The following CCDC92 variants were observed in gnomAD, a reference collection of about 807,000 sequenced individuals.
CCDC92 encodes coiled-coil domain-containing protein 92.
CCDC92 carries 12 observed loss-of-function variants against 24.9 expected under a neutral mutation model. The observed-to-expected ratio is 0.48, with a 90% CI of 0.31 to 0.78. The LOEUF is 0.78. CCDC92 is among the 30% of genes least tolerant of loss of function. The pLI is 0.05. For synonymous variants in CCDC92, 193 were observed against 196.3 expected (o/e 0.98, Z 0.14); for missense variants, 399 against 439.4 (o/e 0.91, Z 0.82).
In CCDC92 at chr12:123,937,258, G is replaced by A. The variant is rs1210815985; in HGVS notation, c.796C>T (p.Pro266Ser). 1 of 1,611,582 alleles carries A rather than the reference G, an allele frequency of 6.2e-7. No homozygotes were observed. The highest frequency in any genetic ancestry group is 8.5e-7 in the Non-Finnish European group (1 of 1,179,818). ...HLIKERPLVI[P>S]PIASDRSGEQ... ...CCGCTTCGGTCGGAGGCGATGGGGG[G>A]GATGACGAGGGGCCTCTCTTTGATG... The change falls in exon 5 of 5, where the codon CCC becomes TCC. Residue 266 changes from proline to serine, a missense_variant. Coordinates refer to ENST00000238156, the MANE Select transcript of CCDC92 (RefSeq NM_025140.3). The surrounding 1 kb of genome is among the most constrained non-coding windows in gnomAD (Gnocchi z 8.4).
intron 1 of CCDC92, 167 bp from the exon 2 acceptor site, chr12:123,944,531 G>A (rs1036895965): frequency 1.0e-5 from 5 of 481,066 alleles, no homozygotes; most frequent in African/African-American, 6.1e-5. Flanking sequence ...CAGTGGAACC[G>A]TTTTGGAGAC....
At chr12:123,948,140 G>A (rs1455649090) in intron 1 of CCDC92, among the ~76,000 whole-genome samples, 3 of 152,236 alleles carry the variant, frequency 2.0e-5, no homozygotes, top group South Asian at 2.1e-4. Context: ...CAAAGAAAAC[G>A]GGATATACTA....
intron 1 of CCDC92, among the ~76,000 whole-genome samples, chr12:123,959,945 A>C (rs1255540289): frequency 6.6e-6 from 1 of 152,240 alleles, no homozygotes; most frequent in Admixed American, 6.5e-5. Flanking sequence ...GCTCCCAGAT[A>C]AACTGTCATG....
At chr12:123,963,379 AG>A (rs2138161055) in intron 1 of CCDC92, among the ~76,000 whole-genome samples, 1 of 152,306 alleles carries the variant, frequency 6.6e-6, no homozygotes, top group African/African-American at 2.4e-5. Flanking sequence ...CTAACTCTGG[AG>A]AAAAAGGCAA....
In CCDC92 at chr12:123,950,167, G is replaced by A. The variant is rs1387114698; in HGVS notation, c.-59-5803C>T. On this transcript the variant is annotated intron_variant, in intron 1 of 4. Transcript: ENST00000238156. ...GATGTGGTGACAATCCTGACGTCTG[G>A]GGCAGATTTAATTTCATGCAGAAAT... 2.0e-5 allele frequency among the ~76,000 whole-genome samples: 3 copies of A among 152,218 alleles called. No homozygotes were observed. In the East Asian group the frequency reaches 5.8e-4, roughly 29 times the overall value.
chr12:123,948,957 G>A (rs557027065), intron 1 of CCDC92, among the ~76,000 whole-genome samples: 103 of 152,292 alleles, frequency 6.8e-4, no homozygotes, highest in Middle Eastern at 3.4e-3. Context: ...TGAAGCCACC[G>A]AGGCATCCTG....
At position 123,937,609 on chromosome 12, in the gene CCDC92, C is replaced by T. The variant is rs528091347; in HGVS notation, c.445G>A (p.Glu149Lys). The change falls in exon 5 of 5, where the codon GAG becomes AAG. Residue 149 changes from glutamate (E) to lysine (K), a missense_variant. Glu to Lys is a moderately conservative substitution (Grantham distance 56). Coordinates refer to ENST00000238156, the MANE Select transcript of CCDC92 (RefSeq NM_025140.3). The surrounding 1 kb of genome is among the most constrained non-coding windows in gnomAD (Gnocchi z 8.4). ...HKLTLLSSEL[E>K]QRASTIAYLT... is the part of the protein sequence containing the mutation. ...TAGGCGATGGTGCTGGCCCGCTGCT[C>T]CAGCTCGCTAGACAGCAGGGTCAGC... 1 of 1,613,718 alleles carries T rather than the reference C, an allele frequency of 6.2e-7. No individual in the cohort carries two copies. The highest frequency in any genetic ancestry group is 1.1e-5 in the South Asian group (1 of 91,080).
At chr12:123,960,263 C>T (rs1262849101) in intron 1 of CCDC92, among the ~76,000 whole-genome samples, 1 of 152,178 alleles carries the variant, frequency 6.6e-6, no homozygotes, top group Non-Finnish European at 1.5e-5. Context: ...GCACCCTCCC[C>T]AACCCCATCA....
At chr12:123,971,256 G>A (rs1201369111) in intron 1 of CCDC92, among the ~76,000 whole-genome samples, 3 of 151,998 alleles carry the variant, frequency 2.0e-5, no homozygotes, top group East Asian at 1.9e-4. Context: ...ATATAATCAC[G>A]AGTTTTAAAG....
chr12:123,943,926 C>T (rs1045716088), intron 2 of CCDC92: 32 of 469,228 alleles, frequency 6.8e-5, no homozygotes, highest in African/African-American at 5.3e-4. Context: ...CACCTCACCC[C>T]AACAGACTGT....
chr12:123,942,083 TC>T (rs1208561226), intron 4 of CCDC92, among the ~76,000 whole-genome samples: 1 of 152,218 alleles, frequency 6.6e-6, no homozygotes, highest in Non-Finnish European at 1.5e-5. Context: ...TTCAGCACTT[TC>T]CAAACACCCA....
intron 4 of CCDC92, among the ~76,000 whole-genome samples, chr12:123,940,039 G>A (rs941957024): frequency 1.3e-5 from 2 of 152,246 alleles, no homozygotes; most frequent in African/African-American, 4.8e-5. Context: ...CCTGCTGTGA[G>A]CATCCTGGGA....
chr12:123,938,049 C>T (rs974248909), intron 4 of CCDC92, among the ~76,000 whole-genome samples: 3 of 152,130 alleles, frequency 2.0e-5, no homozygotes, highest in South Asian at 2.1e-4. Flanking sequence ...AGTTCTCTGG[C>T]CTACTGCATA....
At chr12:123,965,464 G>A (rs1435331603) in intron 1 of CCDC92, among the ~76,000 whole-genome samples, 2 of 152,194 alleles carry the variant, frequency 1.3e-5, no homozygotes, top group Non-Finnish European at 2.9e-5. Context: ...CTTGACTATG[G>A]ACAATTGTGA....
chr12:123,959,613 C>T (rs142960115), intron 1 of CCDC92, among the ~76,000 whole-genome samples: 1 of 152,126 alleles, frequency 6.6e-6, no homozygotes, highest in African/African-American at 2.4e-5. Context: ...CCTTAGGTGC[C>T]AGGCTTATAG....
chr12:123,957,903 C>T (rs918680065), intron 1 of CCDC92, among the ~76,000 whole-genome samples: 2 of 151,736 alleles, frequency 1.3e-5, no homozygotes, highest in South Asian at 4.2e-4. Flanking sequence ...CACGGAGTTT[C>T]GCCATGGCTG....
chr12:123,959,382 G>A (rs1405350539), intron 1 of CCDC92, among the ~76,000 whole-genome samples: 1 of 151,886 alleles, frequency 6.6e-6, no homozygotes, highest in East Asian at 1.9e-4. Flanking sequence ...TGGTGCAATC[G>A]CAACCTCGAC....
In CCDC92 at chr12:123,937,781, C is replaced by T. The variant is rs1450636254; in HGVS notation, c.273G>A (p.Leu91=). ...TCTCTTTCACTTTCAGTTGGGCTTC[C>T]AGCTCTTCACATCTTTTCTTTAATT... The part of the protein sequence containing the change: ...SSELKKRCEE[L]EAQLKVKENE... The change falls in exon 5 of 5, where the codon CTG becomes CTA. Residue 91 remains leucine, a synonymous_variant. Coordinates refer to ENST00000238156, the MANE Select transcript of CCDC92 (RefSeq NM_025140.3). The surrounding 1 kb of genome is among the most constrained non-coding windows in gnomAD (Gnocchi z 8.4). 5.0e-6 allele frequency: 8 copies of T among 1,613,196 alleles called. No homozygotes were observed. Among genetic ancestry groups the T allele is most frequent in the Middle Eastern group, 3.3e-4 (2 of 6,082 alleles).
At chr12:123,943,882 AC>A (rs1354886594) in intron 2 of CCDC92, 2 of 427,354 alleles carry the variant, frequency 4.7e-6, no homozygotes, top group African/African-American at 2.0e-5. Flanking sequence ...TAATCCAGGG[AC>A]CCTTGGTTCC....
Sources: allele counts gnomAD v4.1 joint callset (sites outside exome capture counted in the v4.1 genomes callset), GRCh38; gene constraint gnomAD v4.1.1; non-coding constraint Gnocchi (gnomAD v3.1); transcripts MANE v1.5; gene names NCBI Gene and HGNC (gene_info 2026-07-23, HGNC 2026-07-21).